Variants in UGT3A1 observed in about 807,000 individuals in gnomAD.
UGT3A1 encodes UDP glycosyltransferase family 3 member A1, also known as UDP-glycosyltransferase 3A1.
UGT3A1 carries 40 observed loss-of-function variants against 37.6 expected under a neutral mutation model. The ratio of observed to expected loss-of-function variants is 1.06; its 90% CI spans 0.83 to 1.38. UGT3A1 has a LOEUF of 1.38. UGT3A1 is among the 40% of genes most tolerant of loss of function. The pLI is 0.00. For missense variants in UGT3A1, 642 were observed against 634.2 expected (o/e 1.01, Z -0.13); for synonymous variants, 256 against 232.3 (o/e 1.10, Z -0.93).
intron 1 of UGT3A1, chr5:35,997,433 T>C: frequency 9.9e-5 from 1 of 10,060 alleles, no homozygotes; most frequent in South Asian, 0.014. Context: ...AGGATTTAAT[T>C]TTTTTTTTTT....
At chr5:35,981,196 G>T (rs1301970705) in intron 2 of UGT3A1, among the ~76,000 whole-genome samples, 1 of 152,136 alleles carries the variant, frequency 6.6e-6, no homozygotes, top group Admixed American at 6.5e-5. Context: ...GAGGCCTTCT[G>T]GTTCCAAAAT....
At chr5:35,956,313 G>T (rs1490287540) in intron 5 of UGT3A1, among the ~76,000 whole-genome samples, 1 of 152,208 alleles carries the variant, frequency 6.6e-6, no homozygotes, top group Non-Finnish European at 1.5e-5. Context: ...CTGTCTGCCT[G>T]TCCCACCCTT....
chr5:35,994,510 T>A (rs375632447), upstream of UGT3A1, among the ~76,000 whole-genome samples: 19 of 152,142 alleles, frequency 1.2e-4, 1 homozygote, highest in South Asian at 1.0e-3. Context: ...TGACTGAGAA[T>A]CACATGAGGG....
At chr5:35,989,949 T>C (rs1455396067) in intron 1 of UGT3A1, among the ~76,000 whole-genome samples, 1 of 151,718 alleles carries the variant, frequency 6.6e-6, no homozygotes, top group Non-Finnish European at 1.5e-5. Flanking sequence ...TAGCTGGGCG[T>C]GGTGGCGGGC....
rs1739230893 is a variant in UGT3A1 at position 35,953,227 on chromosome 5, A to T, written c.*975T>A. Reference sequence around the variant, plus strand: ...AGGTAGTTTGGTGTTACACTAAGGAAGATAAAAAAGAAAAGATATGGGCTA... The same window carrying T: ...AGGTAGTTTGGTGTTACACTAAGGATGATAAAAAAGAAAAGATATGGGCTA... On this transcript the variant is annotated 3_prime_UTR_variant, in exon 7 of 7. Transcript: ENST00000274278. The T allele has an allele frequency of 6.6e-6, 1 of 152,354 alleles. No homozygotes were observed. The highest frequency in any genetic ancestry group is 1.5e-5 in the Non-Finnish European group (1 of 68,034). The allele number at this position is 152,354 out of a possible 1,614,324, so 9.4% of individuals were successfully genotyped here. A position where few individuals can be genotyped will look rare whatever the true frequency, so the allele number is the denominator to read the frequency against.
chr5:35,970,047 A>C (rs1356823627), intron 2 of UGT3A1, among the ~76,000 whole-genome samples: 1 of 152,190 alleles, frequency 6.6e-6, no homozygotes. Flanking sequence ...CATAGGTGGC[A>C]GCAGGCAAAG....
chr5:35,958,224 C>T (rs1398438238), intron 4 of UGT3A1, among the ~76,000 whole-genome samples: 1 of 152,078 alleles, frequency 6.6e-6, no homozygotes, highest in Non-Finnish European at 1.5e-5. Context: ...TCTATTTTGT[C>T]TGATATTTGC....
chr5:35,964,024 A>T (rs1739695684), intron 4 of UGT3A1, among the ~76,000 whole-genome samples: 1 of 152,214 alleles, frequency 6.6e-6, no homozygotes, highest in South Asian at 2.1e-4. Context: ...TTTTGGAGAC[A>T]GATGGTAACG....
chr5:35,956,113 A>C (rs1739346474), intron 5 of UGT3A1, among the ~76,000 whole-genome samples: 1 of 152,230 alleles, frequency 6.6e-6, no homozygotes, highest in Non-Finnish European at 1.5e-5. Context: ...GCTGGAGAGA[A>C]GAATGATAAG....
intron 3 of UGT3A1, 31 bp from the exon 4 acceptor site, chr5:35,965,948 T>G: frequency 6.9e-7 from 1 of 1,442,824 alleles, no homozygotes; most frequent in Non-Finnish European, 9.2e-7. Context: ...AATAAATATT[T>G]GGGAAAGTGT....
intron 1 of UGT3A1, among the ~76,000 whole-genome samples, chr5:35,997,983 T>C (rs1016720093): frequency 1.3e-5 from 2 of 152,206 alleles, no homozygotes; most frequent in Non-Finnish European, 2.9e-5. Flanking sequence ...TCCCCATGCC[T>C]GTCACTAAGA....
intron 5 of UGT3A1, 96 bp downstream of exon 5, chr5:35,957,092 G>A (rs1201700091): frequency 7.1e-6 from 7 of 980,824 alleles, no homozygotes; most frequent in Admixed American, 2.0e-5. Context: ...TAGCTACTAC[G>A]TAGGCTGATA....
rs192903005 is a variant in UGT3A1, at chr5:35,974,577, C to T, written c.197-6444G>A. ...TTGCATTTTTGACCTGTGCAGAAAA[C>T]ACGTGGATCTTGGAGAATGATAGAT... is the stretch of plus-strand genomic sequence containing the variant. On this transcript the variant is annotated intron_variant, in intron 2 of 6. Transcript: ENST00000274278. Among the ~76,000 whole-genome samples, 5 of 152,288 alleles carry T rather than the reference C, an allele frequency of 3.3e-5. No homozygotes were observed. In the East Asian group the frequency reaches 7.7e-4, roughly 24 times the overall value.
At chr5:35,973,351 G>A (rs560543955) in intron 2 of UGT3A1, among the ~76,000 whole-genome samples, 1 of 152,294 alleles carries the variant, frequency 6.6e-6, no homozygotes, top group African/African-American at 2.4e-5. Context: ...GGGTACATGT[G>A]TAGAAGAGTA....
At position 35,975,795 on chromosome 5, in the gene UGT3A1, T is replaced by C. The variant is rs1229810237; in HGVS notation, c.197-7662A>G. Among the ~76,000 whole-genome samples, 9 of 152,312 alleles carry C rather than the reference T, an allele frequency of 5.9e-5. No individual in the cohort carries two copies. In the South Asian group the frequency reaches 6.2e-4, roughly 11 times the overall value. The stretch of plus-strand genomic sequence containing the variant: ...GTGCCATGTTGGTGTGCTGCACCCA[T>C]TAACACGTCATTTACATTAGGTATA... On this transcript the variant is annotated intron_variant, in intron 2 of 6. Transcript: ENST00000274278.
At chr5:35,979,308 A>C (rs1370587633) in intron 2 of UGT3A1, among the ~76,000 whole-genome samples, 1 of 152,120 alleles carries the variant, frequency 6.6e-6, no homozygotes. Flanking sequence ...AAACTTTTTG[A>C]ACTTTTATAC....
upstream of UGT3A1, among the ~76,000 whole-genome samples, chr5:35,996,277 C>T (rs941757470): frequency 3.3e-5 from 5 of 152,086 alleles, no homozygotes; most frequent in South Asian, 4.1e-4. Context: ...GCAGGGGTTT[C>T]GCTTCTCCAA....
chr5:35,970,463 C>T (rs1433168281), intron 2 of UGT3A1, among the ~76,000 whole-genome samples: 1 of 151,836 alleles, frequency 6.6e-6, no homozygotes, highest in Non-Finnish European at 1.5e-5. Context: ...AAAGACCTGT[C>T]CCCATGATTC....
At chr5:35,965,030 A>G (rs780642963) in intron 4 of UGT3A1, among the ~76,000 whole-genome samples, 2 of 152,234 alleles carry the variant, frequency 1.3e-5, no homozygotes, top group Non-Finnish European at 2.9e-5. Context: ...CATCTCCTTA[A>G]CAATTATTGC....
Sources: allele counts gnomAD v4.1 joint callset (sites outside exome capture counted in the v4.1 genomes callset), GRCh38; gene constraint gnomAD v4.1.1; transcripts MANE v1.5; gene names NCBI Gene and HGNC (gene_info 2026-07-23, HGNC 2026-07-21).